GRB10: variants seen among roughly 807,000 people sequenced by gnomAD.
GRB10 encodes the protein growth factor receptor-bound protein 10.
Under a neutral mutation model 80.9 loss-of-function variants are expected in GRB10, and 20 were observed. That is an observed-to-expected ratio of 0.25 (90% CI 0.17 to 0.36). The LOEUF (loss-of-function observed/expected upper bound fraction) is 0.36. Ranked by LOEUF, GRB10 falls within the 10% of genes least tolerant of loss-of-function variation. GRB10 has a pLI of 1.00. For synonymous variants in GRB10, 291 were observed against 291.5 expected, an observed-to-expected ratio of 1.00 and a Z score of 0.02; for missense variants, 548 against 747.7, an observed-to-expected ratio of 0.73 and a Z score of 3.12.
At chr7:50,640,055 TG>T (rs1240318721) in intron 7 of GRB10, among the ~76,000 whole-genome samples, 28 of 152,200 alleles carry the variant, frequency 1.8e-4, no homozygotes. Flanking sequence ...GTGTCCTTGC[TG>T]GGGTCATCTC....
intron 18 of GRB10, 50 bp downstream of exon 18, chr7:50,595,387 G>T: frequency 3.0e-6 from 3 of 1,002,422 alleles, no homozygotes; most frequent in South Asian, 2.5e-5. Flanking sequence ...CATTAAGAAT[G>T]AAACCAGAAA....
intron 2 of GRB10, among the ~76,000 whole-genome samples, chr7:50,774,967 A>T (rs1369545635): frequency 6.6e-6 from 1 of 150,660 alleles, no homozygotes; most frequent in Non-Finnish European, 1.5e-5. Flanking sequence ...AACATGGCAA[A>T]ACCCCATCTC....
intron 2 of GRB10, among the ~76,000 whole-genome samples, chr7:50,776,266 CGCA>C (rs1562692792): frequency 6.6e-6 from 1 of 152,144 alleles, no homozygotes; most frequent in Non-Finnish European, 1.5e-5. Context: ...CAGGCTAGAG[CGCA>C]GCAGCAGAAT....
intron 7 of GRB10, among the ~76,000 whole-genome samples, chr7:50,668,499 C>T (rs1238415047): frequency 1.3e-5 from 2 of 152,252 alleles, no homozygotes; most frequent in Admixed American, 1.3e-4. Context: ...CTCAGCCACA[C>T]TCAGCTCAGC....
chr7:50,672,871 C>T (rs573679269), intron 6 of GRB10, among the ~76,000 whole-genome samples: 12 of 152,294 alleles, frequency 7.9e-5, no homozygotes, highest in African/African-American at 2.9e-4. Context: ...GAGCTAAGTA[C>T]AAGGGGTCAC....
chr7:50,784,607 A>C (rs866522144), upstream of GRB10, among the ~76,000 whole-genome samples: 27 of 152,372 alleles, frequency 1.8e-4, no homozygotes, highest in African/African-American at 5.5e-4. Flanking sequence ...GGATGTGGGA[A>C]GAGCAAGAGA....
In GRB10 at chr7:50,756,057, C is replaced by CGAGAGGCAGTCAGCTCTGATGTAGG; in HGVS notation, c.-216-2_-216-1insCCTACATCAGAGCTGACTGCCTCTC. 2.5e-6 allele frequency: 1 copy of CGAGAGGCAGTCAGCTCTGATGTAGG among 398,658 alleles called. No homozygotes were observed. Among genetic ancestry groups the CGAGAGGCAGTCAGCTCTGATGTAGG allele is most frequent in the Non-Finnish European group, 4.4e-6 (1 of 226,088 alleles). The allele number at this position is 398,658 out of a possible 1,614,324, so 24.7% of individuals were successfully genotyped here. A position where few individuals can be genotyped will look rare whatever the true frequency, so the allele number is the denominator to read the frequency against. ...CTCAGCATTGTGGTCAGCGCCAAAG[C>CGAGAGGCAGTCAGCTCTGATGTAGG]TGGAAAGTCAAACGGGCCATCACTG... is the stretch of plus-strand genomic sequence containing the variant. On this transcript the variant is annotated splice_acceptor_variant, in intron 2 of 18. Coordinates refer to ENST00000401949, the MANE Select transcript of GRB10 (RefSeq NM_001350814.2). LOFTEE classifies it low-confidence loss of function (5UTR_SPLICE).
intron 4 of GRB10, among the ~76,000 whole-genome samples, chr7:50,710,091 T>G (rs1362829016): frequency 6.6e-6 from 1 of 152,046 alleles, no homozygotes; most frequent in Non-Finnish European, 1.5e-5. Flanking sequence ...CTTTGGCACT[T>G]TCTCTGACAA....
At chr7:50,701,927 T>C (rs1468722879) in intron 5 of GRB10, among the ~76,000 whole-genome samples, 1 of 152,264 alleles carries the variant, frequency 6.6e-6, no homozygotes, top group Non-Finnish European at 1.5e-5. Context: ...TTTTGTTGCA[T>C]ATAGGCTAAA....
Position 50,732,399 on chromosome 7 carries a change from GC to G in GRB10, c.-46-32del. 9 of 1,260,616 alleles carry G rather than the reference GC, an allele frequency of 7.1e-6. No homozygotes were observed. The Admixed American group carries it at 1.0e-4, about 14-fold the overall frequency. The allele number at this position is 1,260,616 out of a possible 1,614,324, so 78.1% of individuals were successfully genotyped here. On this transcript the variant is annotated intron_variant, in intron 3 of 18. Coordinates refer to ENST00000401949, the MANE Select transcript of GRB10 (RefSeq NM_001350814.2). ...ATAAAGACAGACTGTGAGAAGCCAAGCCAGAAAAAAAAAAAAAAATCCACTA... is the reference window on the plus strand; with the variant it reads ...ATAAAGACAGACTGTGAGAAGCCAAGCAGAAAAAAAAAAAAAAATCCACTA...
intron 7 of GRB10, among the ~76,000 whole-genome samples, chr7:50,651,979 T>A (rs1468531198): frequency 6.6e-6 from 1 of 152,224 alleles, no homozygotes; most frequent in Non-Finnish European, 1.5e-5. Flanking sequence ...GCCACACAGG[T>A]CCCACTCAGT....
At chr7:50,717,079 C>T (rs1444117956) in intron 4 of GRB10, among the ~76,000 whole-genome samples, 1 of 152,172 alleles carries the variant, frequency 6.6e-6, no homozygotes, top group African/African-American at 2.4e-5. Flanking sequence ...GGATCATACC[C>T]ATTTCAAAAA....
chr7:50,606,416 T>G lies in GRB10; in HGVS notation c.1195-2A>C, dbSNP rs76258614. Reference sequence around the variant, plus strand: ...ATTCTGGTAAAGGAGCATTCCATACTGGAGAGGAGAAGCCACAGTTAGTCA... The same window carrying G: ...ATTCTGGTAAAGGAGCATTCCATACGGGAGAGGAGAAGCCACAGTTAGTCA... On this transcript the variant is annotated splice_acceptor_variant, in intron 13 of 18. Transcript: ENST00000401949. LOFTEE classifies it high-confidence loss of function. 2 of 1,612,998 alleles carry G rather than the reference T, an allele frequency of 1.2e-6. No homozygotes were observed. The highest frequency in any genetic ancestry group is 1.7e-6 in the Non-Finnish European group (2 of 1,179,008).
intron 17 of GRB10, among the ~76,000 whole-genome samples, chr7:50,602,416 G>A (rs1006439673): frequency 6.6e-6 from 1 of 152,140 alleles, no homozygotes; most frequent in Admixed American, 6.5e-5. Context: ...AGGCAGCAGA[G>A]CACCCAGTAC....
chr7:50,604,075 C>T lies in GRB10; in HGVS notation c.1467G>A (p.Arg489=). 6.2e-7 allele frequency: 1 copy of T among 1,613,804 alleles called. No individual in the cohort carries two copies. The highest frequency in any genetic ancestry group is 8.5e-7 in the Non-Finnish European group (1 of 1,179,714). Residue 489 remains arginine, a synonymous_variant, in exon 17 of 19, where the codon AGG becomes AGA. Coordinates refer to ENST00000401949, the MANE Select transcript of GRB10 (RefSeq NM_001350814.2). The part of the protein sequence containing the change: ...HPSTLSTVIH[R]TQHWFHGRIS... ...TCCTCCCGTGAAACCAGTGCTGTGTCCTGTGAATCACTGTGGGGGGAAGAC... is the reference window on the plus strand; with the variant it reads ...TCCTCCCGTGAAACCAGTGCTGTGTTCTGTGAATCACTGTGGGGGGAAGAC...
At chr7:50,610,862 T>C (rs2049382013) in intron 13 of GRB10, among the ~76,000 whole-genome samples, 1 of 152,212 alleles carries the variant, frequency 6.6e-6, no homozygotes, top group Non-Finnish European at 1.5e-5. Context: ...GCTCGTTATG[T>C]TAGCGCAACA....
At chr7:50,757,210 C>T (rs1383242199) in intron 2 of GRB10, among the ~76,000 whole-genome samples, 1 of 152,232 alleles carries the variant, frequency 6.6e-6, no homozygotes, top group Non-Finnish European at 1.5e-5. Flanking sequence ...CGGCTGATGT[C>T]TGGGCAAATT....
At chr7:50,769,395 C>T (rs759715632) in intron 2 of GRB10, among the ~76,000 whole-genome samples, 1 of 152,082 alleles carries the variant, frequency 6.6e-6, no homozygotes, top group African/African-American at 2.4e-5. Context: ...TCCTGGGACC[C>T]GAGAAAGAAC....
At chr7:50,700,168 G>C (rs984513255) in intron 5 of GRB10, among the ~76,000 whole-genome samples, 13 of 151,976 alleles carry the variant, frequency 8.6e-5, no homozygotes, top group Non-Finnish European at 1.9e-4. Context: ...TTTCTTTCTT[G>C]AAAGTTTAAT....
Sources: allele counts gnomAD v4.1 joint callset (sites outside exome capture counted in the v4.1 genomes callset), GRCh38; gene constraint gnomAD v4.1.1; transcripts MANE v1.5; gene names NCBI Gene and HGNC (gene_info 2026-07-23, HGNC 2026-07-21).